PCDH15: variants seen among roughly 807,000 people sequenced by gnomAD.
The protein encoded by PCDH15 is protocadherin-15.
PCDH15 carries 129 observed loss-of-function variants against 178.5 expected under a neutral mutation model. That is an observed-to-expected ratio of 0.72 (90% CI 0.63 to 0.84). The LOEUF is 0.84. Among genes scored for constraint, PCDH15 ranks in the 40% least tolerant of loss-of-function variants. PCDH15 has a pLI of 0.00. For missense variants in PCDH15, 2,230 were observed against 2,099.9 expected (o/e 1.06, Z -1.21); for synonymous variants, 800 against 732.0 (o/e 1.09, Z -1.50).
At chr10:54,295,771 C>G (rs527355360) in intron 8 of PCDH15, among the ~76,000 whole-genome samples, 1 of 152,158 alleles carries the variant, frequency 6.6e-6, no homozygotes, top group Non-Finnish European at 1.5e-5. Flanking sequence ...TGAGTACCAT[C>G]GGACCCCTTT....
chr10:54,527,817 C>T lies in PCDH15; in HGVS notation c.152G>A (p.Arg51Gln), dbSNP rs774448079. The change falls in exon 3 of 38, where the codon CGG becomes CAG. Residue 51 changes from arginine to glutamine, a missense_variant. Coordinates refer to ENST00000644397, the MANE Select transcript of PCDH15 (RefSeq NM_001384140.1). ...AAAATAAAAAACTCACTTACCATTC[C>T]GACTTTCTTCATCAATAGCAACTAT... ...ATIVAIDEES[R>Q]NGTILVDNML... 41 of 1,608,122 alleles carry T rather than the reference C, an allele frequency of 2.5e-5. No individual in the cohort carries two copies. The highest frequency in any genetic ancestry group is 4.0e-5 in the African/African-American group (3 of 74,676).
At chr10:55,531,009 T>TTTTGTTTG (rs111833955) in intron 2 of PCDH15, among the ~76,000 whole-genome samples, 57,224 of 144,312 alleles carry the variant, frequency 0.4, 11,569 homozygotes, top group East Asian at 0.82. Context: ...TTAGGGTTGC[T>TTTTGTTTG]TTTGTTTGTT....
At chr10:55,568,952 G>A (rs775085597) in intron 2 of PCDH15, among the ~76,000 whole-genome samples, 5 of 152,050 alleles carry the variant, frequency 3.3e-5, no homozygotes, top group Admixed American at 1.3e-4. Flanking sequence ...TGAAATCTCT[G>A]AGAGAGGGAA....
intron 33 of PCDH15, among the ~76,000 whole-genome samples, chr10:53,819,585 C>T (rs1201511409): frequency 1.3e-5 from 2 of 151,924 alleles, no homozygotes; most frequent in Admixed American, 6.6e-5. Flanking sequence ...TCACTGTTTA[C>T]TTTTAACAAT....
intron 5 of PCDH15, among the ~76,000 whole-genome samples, chr10:54,356,795 T>C (rs1258504523): frequency 6.6e-5 from 10 of 151,566 alleles, no homozygotes; most frequent in Non-Finnish European, 1.5e-5. Context: ...GGACATTAGG[T>C]AAAAAGCTTA....
rs113803953 is a variant in PCDH15, at chr10:54,830,401, G to A, written c.-29+67049C>T. 6.4e-3 allele frequency among the ~76,000 whole-genome samples: 980 copies of A among 152,198 alleles called. 6 individuals carry two copies. Among genetic ancestry groups the A allele is most frequent in the African/African-American group, 0.02 (827 of 41,516 alleles). ...CATATACACCATGGAATACTATGCC[G>A]CCATAAAAAATGATGAGTTCATGTC... is the stretch of plus-strand genomic sequence containing the variant. On this transcript the variant is annotated intron_variant, in intron 3 of 5. Coordinates refer to the PCDH15 transcript ENST00000458638.
intron 1 of PCDH15, among the ~76,000 whole-genome samples, chr10:54,703,061 G>C (rs2095327621): frequency 6.6e-6 from 1 of 152,026 alleles, no homozygotes; most frequent in African/African-American, 2.4e-5. Flanking sequence ...TGTGATGCAA[G>C]GTTGGTTCAA....
intron 1 of PCDH15, among the ~76,000 whole-genome samples, chr10:55,249,487 A>G (rs370605366): frequency 2.6e-5 from 4 of 152,182 alleles, no homozygotes; most frequent in South Asian, 4.1e-4. Flanking sequence ...TTTACAATAC[A>G]TGTAGCCAAC....
intron 2 of PCDH15, among the ~76,000 whole-genome samples, chr10:55,554,522 G>A (rs935680654): frequency 5.9e-5 from 9 of 151,982 alleles, no homozygotes; most frequent in African/African-American, 1.7e-4. Context: ...AACAACTTGA[G>A]TTAGGACTGT....
At chr10:55,436,815 G>C (rs533537984) in intron 2 of PCDH15, among the ~76,000 whole-genome samples, 34 of 152,264 alleles carry the variant, frequency 2.2e-4, no homozygotes, top group Non-Finnish European at 5.0e-4. Flanking sequence ...GAAGATAGGT[G>C]GTTATAAGTG....
At chr10:55,161,418 C>T (rs1839062753) in intron 2 of PCDH15, among the ~76,000 whole-genome samples, 1 of 152,034 alleles carries the variant, frequency 6.6e-6, no homozygotes, top group Non-Finnish European at 1.5e-5. Context: ...CCAAATCCAG[C>T]CCAGTGGGCT....
At chr10:54,599,262 C>T (rs950831378) in intron 2 of PCDH15, among the ~76,000 whole-genome samples, 4 of 152,078 alleles carry the variant, frequency 2.6e-5, no homozygotes, top group African/African-American at 9.7e-5. Flanking sequence ...AACTATCCTA[C>T]AGGGCTACAG....
chr10:54,248,230 T>C (rs942870497), intron 8 of PCDH15, among the ~76,000 whole-genome samples: 1 of 151,886 alleles, frequency 6.6e-6, no homozygotes, highest in Non-Finnish European at 1.5e-5. Flanking sequence ...AAAAAGGGAT[T>C]ATCTATCTCT....
At chr10:54,335,248 A>T (rs1443425728) in intron 6 of PCDH15, among the ~76,000 whole-genome samples, 1 of 152,172 alleles carries the variant, frequency 6.6e-6, no homozygotes, top group Non-Finnish European at 1.5e-5. Flanking sequence ...TCTGTTTCAT[A>T]CTGTTAAAAC....
At chr10:55,180,295 A>G (rs906348147) in intron 1 of PCDH15, among the ~76,000 whole-genome samples, 9 of 152,168 alleles carry the variant, frequency 5.9e-5, no homozygotes, top group Non-Finnish European at 1.5e-5. Context: ...AATTGTAGAA[A>G]GTTTGGGGAA....
chr10:55,168,258 C>T lies in PCDH15; in HGVS notation c.-155-1607G>A, dbSNP rs565735884. 6.9e-4 allele frequency among the ~76,000 whole-genome samples: 105 copies of T among 152,234 alleles called. 1 individual carries two copies. Among genetic ancestry groups the T allele is most frequent in the Non-Finnish European group, 1.2e-3 (85 of 68,016 alleles). On this transcript the variant is annotated intron_variant, in intron 1 of 5. Coordinates refer to the PCDH15 transcript ENST00000458638. ...ATCCCCGACCCCAAGCCCAGTGTGGCCCCTTGGTAGCATATGAGACAATTT... is the reference window on the plus strand; with the variant it reads ...ATCCCCGACCCCAAGCCCAGTGTGGTCCCTTGGTAGCATATGAGACAATTT...
intron 2 of PCDH15, among the ~76,000 whole-genome samples, chr10:54,547,764 C>G (rs1165820919): frequency 6.6e-6 from 1 of 151,974 alleles, no homozygotes; most frequent in Non-Finnish European, 1.5e-5. Context: ...TCTTGGTGCA[C>G]AATTTGAGGA....
At chr10:54,169,804 A>G (rs1251625628) in intron 13 of PCDH15, among the ~76,000 whole-genome samples, 1 of 152,004 alleles carries the variant, frequency 6.6e-6, no homozygotes, top group African/African-American at 2.4e-5. Context: ...CTGCTACAGC[A>G]TGGCCTTTTA....
intron 1 of PCDH15, among the ~76,000 whole-genome samples, chr10:55,214,556 C>CT (rs150207975): frequency 9.5e-4 from 139 of 146,798 alleles, no homozygotes; most frequent in Middle Eastern, 3.5e-3. Context: ...GGTATTTATT[C>CT]TTTTTTTTTT....
Sources: allele counts gnomAD v4.1 joint callset (sites outside exome capture counted in the v4.1 genomes callset), GRCh38; gene constraint gnomAD v4.1.1; transcripts MANE v1.5; gene names NCBI Gene and HGNC (gene_info 2026-07-23, HGNC 2026-07-21).